Variants in IQCJ observed in about 807,000 individuals in gnomAD.
IQCJ encodes IQ motif containing J, also known as IQ domain-containing protein J.
In IQCJ, 9 loss-of-function variants were observed where a neutral mutation model predicts 11.0. The observed-to-expected ratio is 0.82, with a 90% CI of 0.49 to 1.43. The LOEUF is 1.43. IQCJ is among the 40% of genes most tolerant of loss of function. IQCJ has a pLI of 0.00. For missense variants in IQCJ, 146 were observed against 133.2 expected (o/e 1.10, Z -0.47); for synonymous variants, 55 against 51.3 (o/e 1.07, Z -0.31).
At chr3:159,165,868 A>T (rs1722138907) in intron 1 of IQCJ, among the ~76,000 whole-genome samples, 1 of 141,894 alleles carries the variant, frequency 7.0e-6, no homozygotes, top group Middle Eastern at 4.0e-3. Flanking sequence ...TGACCTCGTG[A>T]TCTCCCCACC....
At chr3:159,250,615 T>C (rs1727539826) in intron 2 of IQCJ, among the ~76,000 whole-genome samples, 2 of 152,166 alleles carry the variant, frequency 1.3e-5, no homozygotes, top group African/African-American at 4.8e-5. Context: ...GGAGAGAGAA[T>C]GAGTGCCCAG....
chr3:159,072,821 G>A (rs187806565), intron 1 of IQCJ, among the ~76,000 whole-genome samples: 7 of 152,164 alleles, frequency 4.6e-5, no homozygotes, highest in African/African-American at 1.4e-4. Context: ...GGTCAGAAAT[G>A]GAGGAGTGGG....
chr3:159,194,496 C>T (rs1723868347), intron 1 of IQCJ, among the ~76,000 whole-genome samples: 1 of 152,188 alleles, frequency 6.6e-6, no homozygotes. Flanking sequence ...ATATCTCCTA[C>T]AATTAGCCCT....
intron 1 of IQCJ, among the ~76,000 whole-genome samples, chr3:159,118,659 A>G (rs572589538): frequency 1.8e-4 from 27 of 152,326 alleles, no homozygotes; most frequent in African/African-American, 6.3e-4. Flanking sequence ...ATAATGAGCT[A>G]TACTGCTCTT....
intron 1 of IQCJ, among the ~76,000 whole-genome samples, chr3:159,171,399 T>G (rs2108238109): frequency 6.6e-6 from 1 of 152,328 alleles, no homozygotes; most frequent in South Asian, 2.1e-4. Flanking sequence ...CCATGAGTGC[T>G]TCTCAGAGAT....
At chr3:159,166,031 A>G (rs771222870) in intron 1 of IQCJ, among the ~76,000 whole-genome samples, 17 of 151,772 alleles carry the variant, frequency 1.1e-4, no homozygotes, top group Non-Finnish European at 1.9e-4. Flanking sequence ...TCATTTTCCT[A>G]CTTTTCTGAT....
chr3:159,210,447 T>C (rs1331110760), intron 1 of IQCJ, among the ~76,000 whole-genome samples: 1 of 152,194 alleles, frequency 6.6e-6, no homozygotes, highest in East Asian at 1.9e-4. Context: ...AGTTGGCCCC[T>C]GAAATGTGCT....
At chr3:159,231,751 G>A (rs988580852) in intron 1 of IQCJ, among the ~76,000 whole-genome samples, 3 of 152,086 alleles carry the variant, frequency 2.0e-5, no homozygotes, top group Admixed American at 6.6e-5. Context: ...CTGTGAATCT[G>A]TCTGGTCCCG....
chr3:159,222,501 T>C (rs1292694564), intron 1 of IQCJ, among the ~76,000 whole-genome samples: 3 of 151,984 alleles, frequency 2.0e-5, no homozygotes, highest in Non-Finnish European at 4.4e-5. Context: ...AAAGTCAAAT[T>C]CATAGAAACA....
chr3:159,194,673 C>T (rs1723882090), intron 1 of IQCJ, among the ~76,000 whole-genome samples: 1 of 152,178 alleles, frequency 6.6e-6, no homozygotes, highest in Non-Finnish European at 1.5e-5. Context: ...TCTATTTTAG[C>T]ATCCTACTTC....
chr3:159,147,187 T>C (rs1422224368), intron 1 of IQCJ, among the ~76,000 whole-genome samples: 2 of 152,248 alleles, frequency 1.3e-5, no homozygotes, highest in East Asian at 3.8e-4. Flanking sequence ...GCTCCTTTAA[T>C]TTAAGGATGG....
At chr3:159,147,928 A>G (rs921482676) in intron 1 of IQCJ, among the ~76,000 whole-genome samples, 3 of 152,198 alleles carry the variant, frequency 2.0e-5, no homozygotes, top group Non-Finnish European at 4.4e-5. Context: ...TCATTTATAA[A>G]AGTAGTTCTC....
intron 1 of IQCJ, among the ~76,000 whole-genome samples, chr3:159,108,497 G>A (rs942566437): frequency 4.6e-5 from 7 of 152,116 alleles, no homozygotes; most frequent in South Asian, 2.1e-4. Flanking sequence ...ACATAAAATA[G>A]GTGATGAGAA....
At chr3:159,174,186 T>A (rs1188053686) in intron 1 of IQCJ, among the ~76,000 whole-genome samples, 1 of 152,178 alleles carries the variant, frequency 6.6e-6, no homozygotes, top group Admixed American at 6.5e-5. Context: ...ATTCTCTTGT[T>A]CTTGTTTCAT....
At chr3:159,236,494 CAG>C (rs1726600777) in intron 1 of IQCJ, among the ~76,000 whole-genome samples, 1 of 152,152 alleles carries the variant, frequency 6.6e-6, no homozygotes, top group Admixed American at 6.6e-5. Context: ...GTTATTTCAA[CAG>C]AGGTTTGGAC....
chr3:159,079,765 G>T (rs1576989092), intron 1 of IQCJ, among the ~76,000 whole-genome samples: 1 of 151,990 alleles, frequency 6.6e-6, no homozygotes, highest in Admixed American at 6.6e-5. Flanking sequence ...ATTTGATCGG[G>T]TAGACATTCC....
chr3:159,250,540 A>G (rs1241827716), intron 2 of IQCJ, among the ~76,000 whole-genome samples: 1 of 152,236 alleles, frequency 6.6e-6, no homozygotes, highest in Admixed American at 6.5e-5. Context: ...TCACATTTCC[A>G]CATGGCTGGG....
At chr3:159,229,911 AT>A (rs923629311) in intron 1 of IQCJ, among the ~76,000 whole-genome samples, 8 of 125,590 alleles carry the variant, frequency 6.4e-5, no homozygotes, top group African/African-American at 1.5e-4. Flanking sequence ...AGTTTTGTTA[AT>A]TTTTTTTTAA....
At chr3:159,224,131 A>G (rs2108128193) in intron 1 of IQCJ, among the ~76,000 whole-genome samples, 1 of 152,162 alleles carries the variant, frequency 6.6e-6, no homozygotes, top group African/African-American at 2.4e-5. Flanking sequence ...CGAAGTATAT[A>G]AGCCTGGACC....
Sources: gnomAD v4.1 joint callset for allele counts (sites outside exome capture counted in the v4.1 genomes callset) on GRCh38, gnomAD v4.1.1 for gene constraint, MANE v1.5 for transcripts, NCBI Gene and HGNC (gene_info 2026-07-23, HGNC 2026-07-21) for gene names.